TOR1AIP2: variants seen among roughly 807,000 people sequenced by gnomAD.
The protein encoded by TOR1AIP2 is torsin 1A interacting protein 2.
In TOR1AIP2, 20 loss-of-function variants were observed where a neutral mutation model predicts 32.6. The observed-to-expected ratio is 0.61, with a 90% CI of 0.43 to 0.89. TOR1AIP2 has a LOEUF of 0.89. Among genes scored for constraint, TOR1AIP2 ranks in the 40% least tolerant of loss-of-function variants. The pLI is 0.00. For missense variants in TOR1AIP2, 456 were observed against 553.8 expected, an observed-to-expected ratio of 0.82 and a Z score of 1.77; for synonymous variants, 214 against 210.8, an observed-to-expected ratio of 1.02 and a Z score of -0.13.
rs1011005295 is a variant in TOR1AIP2 at position 179,863,307 on chromosome 1, C to T, written c.-147+2129G>A. The stretch of plus-strand genomic sequence containing the variant: ...CCCAGGCAATGCTAACCCTATTCCC[C>T]TTTGCCAAGGTTTCCCAGGCTCCCT... On this transcript the variant is annotated intron_variant, in intron 3 of 6. Transcript: ENST00000609928. The T allele has an allele frequency of 4.1e-6, 4 of 984,792 alleles. No homozygotes were observed. The African/African-American group carries it at 7.0e-5, about 17-fold the overall frequency. 61.0% of individuals were successfully genotyped at this position (984,792 alleles called of 1,614,324 possible). A position where few individuals can be genotyped will look rare whatever the true frequency, so the allele number is the denominator to read the frequency against.
At chr1:179,850,687 A>C (rs1325298183) in intron 5 of TOR1AIP2, among the ~76,000 whole-genome samples, 158 bp downstream of exon 5, 1 of 152,230 alleles carries the variant, frequency 6.6e-6, no homozygotes, top group Admixed American at 6.5e-5. Context: ...TCTAAAATCA[A>C]CTCAGTCATG....
chr1:179,869,416 C>G (rs1258204711), intron 2 of TOR1AIP2, among the ~76,000 whole-genome samples: 1 of 152,094 alleles, frequency 6.6e-6, no homozygotes, highest in Non-Finnish European at 1.5e-5. Context: ...TTTTCTTTAA[C>G]TGGGTGAAGG....
At chr1:179,853,550 A>C (rs1223835935) in intron 3 of TOR1AIP2, among the ~76,000 whole-genome samples, 1 of 152,236 alleles carries the variant, frequency 6.6e-6, no homozygotes, top group African/African-American at 2.4e-5. Flanking sequence ...TTCCCTATGA[A>C]AATGAGAATA....
intron 3 of TOR1AIP2, among the ~76,000 whole-genome samples, chr1:179,855,657 C>T (rs1696269911): frequency 6.6e-6 from 1 of 152,144 alleles, no homozygotes; most frequent in Non-Finnish European, 1.5e-5. Context: ...TTAAGGCACA[C>T]ACTCTACAAA....
intron 3 of TOR1AIP2, among the ~76,000 whole-genome samples, chr1:179,854,155 T>C (rs1237722052): frequency 6.6e-6 from 1 of 152,168 alleles, no homozygotes; most frequent in Non-Finnish European, 1.5e-5. Context: ...TTAAGGAACC[T>C]AGAATAAAAA....
At chr1:179,865,347 CAA>C in intron 3 of TOR1AIP2, 87 bp downstream of exon 3, 2 of 784,570 alleles carry the variant, frequency 2.5e-6, no homozygotes, top group Non-Finnish European at 2.0e-6. Flanking sequence ...TGCAATTCTT[CAA>C]GATTTCGTTG....
At chr1:179,862,697 G>C in intron 3 of TOR1AIP2, 2 of 968,556 alleles carry the variant, frequency 2.1e-6, no homozygotes, top group Non-Finnish European at 2.5e-6. Context: ...GGAGGTCAGG[G>C]CAGGTGGATC....
intron 2 of TOR1AIP2, chr1:179,868,254 G>C (rs999777060): frequency 6.6e-6 from 1 of 151,958 alleles, no homozygotes; most frequent in African/African-American, 2.4e-5. Context: ...GTACTACTAG[G>C]CTTGCTTTAT....
intron 3 of TOR1AIP2, among the ~76,000 whole-genome samples, chr1:179,856,779 A>C (rs1026090075): frequency 6.6e-6 from 1 of 152,160 alleles, no homozygotes; most frequent in Non-Finnish European, 1.5e-5. Flanking sequence ...GTGCCCAGCT[A>C]ATTTTTGTAT....
intron 3 of TOR1AIP2, among the ~76,000 whole-genome samples, chr1:179,857,297 C>T (rs546530770): frequency 2.0e-5 from 3 of 152,298 alleles, no homozygotes; most frequent in Admixed American, 1.3e-4. Flanking sequence ...TTCCTTGTGA[C>T]GCTGAAATCT....
rs1306725954 is a variant in TOR1AIP2 at position 179,846,365 on chromosome 1, G to A, written c.1119C>T (p.Gly373=). 2 of 1,614,072 alleles carry A rather than the reference G, an allele frequency of 1.2e-6. No homozygotes were observed. The highest frequency in any genetic ancestry group is 1.7e-6 in the Non-Finnish European group (2 of 1,180,046). ...AATACTTATAGAAGATCAAAGTGGAGCCGGCAGGGAAGGATTCGAAGTGGT... is the reference window on the plus strand; with the variant it reads ...AATACTTATAGAAGATCAAAGTGGAACCGGCAGGGAAGGATTCGAAGTGGT... ...VVHHFESFPA[G]STLIFYKYCD... Residue 373 remains glycine, a synonymous_variant, in exon 7 of 7, where the codon GGC becomes GGT. Transcript: ENST00000609928.
intron 5 of TOR1AIP2, among the ~76,000 whole-genome samples, chr1:179,849,358 C>T (rs919438792): frequency 6.6e-6 from 1 of 152,058 alleles, no homozygotes; most frequent in Non-Finnish European, 1.5e-5. Context: ...GCAATCCTCC[C>T]ACCTCAGCCT....
intron 3 of TOR1AIP2, among the ~76,000 whole-genome samples, chr1:179,855,708 TAATAC>T (rs1696272713): frequency 1.3e-5 from 2 of 152,206 alleles, no homozygotes; most frequent in South Asian, 4.1e-4. Flanking sequence ...AGAATCTCAT[TAATAC>T]GCCCCAAAAT....
chr1:179,873,157 T>C (rs956570638), intron 2 of TOR1AIP2, among the ~76,000 whole-genome samples: 10 of 152,214 alleles, frequency 6.6e-5, no homozygotes, highest in Admixed American at 6.5e-4. Context: ...CTTGACACTT[T>C]TGAAGAATAC....
intron 3 of TOR1AIP2, chr1:179,860,732 T>A (rs532635890): frequency 1.0e-6 from 1 of 985,348 alleles, no homozygotes; most frequent in Non-Finnish European, 1.2e-6. Context: ...AGAATTAGAA[T>A]AGAAACCCAG....
chr1:179,859,920 T>C (rs1696453237), intron 3 of TOR1AIP2: 1 of 833,490 alleles, frequency 1.2e-6, no homozygotes, highest in Non-Finnish European at 1.4e-6. Flanking sequence ...CTCAAGCTCA[T>C]AGCTCACTGA....
At chr1:179,864,607 A>C in intron 3 of TOR1AIP2, 12 of 1,382,224 alleles carry the variant, frequency 8.7e-6, no homozygotes, top group Non-Finnish European at 1.1e-5. Flanking sequence ...CTGGAATACT[A>C]ACTAAATTCA....
intron 3 of TOR1AIP2, among the ~76,000 whole-genome samples, chr1:179,854,993 G>A (rs1696245005): frequency 6.6e-6 from 1 of 152,130 alleles, no homozygotes; most frequent in African/African-American, 2.4e-5. Flanking sequence ...AAGGAAATTG[G>A]CCAATTCACA....
At chr1:179,868,895 G>GGGAATGGT (rs1696902042) in intron 2 of TOR1AIP2, 1 of 152,146 alleles carries the variant, frequency 6.6e-6, no homozygotes, top group Non-Finnish European at 1.5e-5. Context: ...CAGGCTGGAG[G>GGGAATGGT]GCAATGGTGC....
Sources: gnomAD v4.1 joint callset for allele counts (sites outside exome capture counted in the v4.1 genomes callset) on GRCh38, gnomAD v4.1.1 for gene constraint, MANE v1.5 for transcripts, NCBI Gene and HGNC (gene_info 2026-07-23, HGNC 2026-07-21) for gene names.